CEP120: variants seen among roughly 807,000 people sequenced by gnomAD.
CEP120 encodes the protein centrosomal protein 120.
CEP120 carries 113 observed loss-of-function variants against 126.5 expected under a neutral mutation model. That is an observed-to-expected ratio of 0.89 (90% CI 0.77 to 1.04). CEP120 has a LOEUF of 1.04. Among genes scored for constraint, CEP120 ranks in the 50% least tolerant of loss-of-function variants. CEP120 has a pLI of 0.00. For missense variants in CEP120, 1,230 were observed against 1,155.7 expected, an observed-to-expected ratio of 1.06 and a Z score of -0.93; for synonymous variants, 400 against 394.3, an observed-to-expected ratio of 1.01 and a Z score of -0.17.
intron 18 of CEP120, among the ~76,000 whole-genome samples, chr5:123,359,305 A>G (rs1036578205): frequency 6.6e-6 from 1 of 152,070 alleles, no homozygotes; most frequent in East Asian, 1.9e-4. Flanking sequence ...CTCTGAATAT[A>G]TCTGACATAA....
chr5:123,381,221 A>C (rs9942363), intron 14 of CEP120, among the ~76,000 whole-genome samples: 67,278 of 151,898 alleles, frequency 0.44, 14,846 homozygotes, highest in East Asian at 0.48. Context: ...TGAGGCAACC[A>C]CTACAATATA....
At position 123,386,506 on chromosome 5, in the gene CEP120, T is replaced by C; in HGVS notation, c.1580+12A>G. Reference sequence around the variant, plus strand: ...AAATTAATTAATATCATACATACACTGTATGCATTACCTTAAGAAGGTGTC... The same window carrying C: ...AAATTAATTAATATCATACATACACCGTATGCATTACCTTAAGAAGGTGTC... On this transcript the variant is annotated intron_variant, in intron 10 of 19. Transcript: ENST00000306467. 1 of 1,521,422 alleles carries C rather than the reference T, an allele frequency of 6.6e-7. No homozygotes were observed. Among genetic ancestry groups the C allele is most frequent in the South Asian group, 1.3e-5 (1 of 74,986 alleles). 94.2% of individuals were successfully genotyped at this position (1,521,422 alleles called of 1,614,324 possible). A position where few individuals can be genotyped will look rare whatever the true frequency, so the allele number is the denominator to read the frequency against.
At chr5:123,402,403 G>A in intron 4 of CEP120, 2 of 1,286,700 alleles carry the variant, frequency 1.6e-6, no homozygotes, top group South Asian at 2.0e-5. Flanking sequence ...AAGGAGCGGA[G>A]AAGCTGCTTC....
chr5:123,362,960 G>T (rs1271714573), intron 18 of CEP120, among the ~76,000 whole-genome samples: 1 of 151,574 alleles, frequency 6.6e-6, no homozygotes, highest in East Asian at 1.9e-4. Flanking sequence ...AACTGGACCA[G>T]ACACTGAAGC....
At chr5:123,377,323 C>G (rs767554175) in intron 16 of CEP120, 51 bp downstream of exon 16, 2 of 1,549,164 alleles carry the variant, frequency 1.3e-6, no homozygotes, top group Non-Finnish European at 1.8e-6. Context: ...TCTCTTATTA[C>G]TAGAATGCAA....
At chr5:123,411,265 G>A (rs1774037707) in intron 4 of CEP120, among the ~76,000 whole-genome samples, 1 of 152,216 alleles carries the variant, frequency 6.6e-6, no homozygotes, top group Non-Finnish European at 1.5e-5. Flanking sequence ...TTGGAAGGCA[G>A]TGTGGATATT....
chr5:123,414,445 T>C (rs1580741179), intron 3 of CEP120, among the ~76,000 whole-genome samples: 1 of 152,212 alleles, frequency 6.6e-6, no homozygotes, highest in Non-Finnish European at 1.5e-5. Context: ...CATATGCAAA[T>C]ATCCTTGCTA....
chr5:123,396,787 G>C (rs2127084468), intron 5 of CEP120, among the ~76,000 whole-genome samples: 1 of 152,224 alleles, frequency 6.6e-6, no homozygotes, highest in South Asian at 2.1e-4. Context: ...GGGAACAAGA[G>C]AATATTAAAA....
chr5:123,388,302 AC>A, intron 9 of CEP120, 129 bp downstream of exon 9: 2 of 541,840 alleles, frequency 3.7e-6, no homozygotes, highest in Non-Finnish European at 6.2e-6. Flanking sequence ...ATATAGCCTT[AC>A]CCCCTTTTAG....
Position 123,354,775 on chromosome 5 carries a change from G to GT in CEP120, c.2581-4687dup, listed in dbSNP as rs35277610. ...TTCTGTTAGAATTCAACCATCCTATGTTTTTTTTTTAAATATATTTTTATT... is the reference window on the plus strand; with the variant it reads ...TTCTGTTAGAATTCAACCATCCTATGTTTTTTTTTTTAAATATATTTTTATT... On this transcript the variant is annotated intron_variant, in intron 18 of 19. Transcript: ENST00000306467. 7.5e-4 allele frequency among the ~76,000 whole-genome samples: 113 copies of GT among 150,626 alleles called. 2 individuals are homozygous for GT. Among genetic ancestry groups the GT allele is most frequent in the Admixed American group, 6.6e-3 (99 of 15,098 alleles).
At position 123,388,600 on chromosome 5, in the gene CEP120, G is replaced by T. The variant is rs1473821278; in HGVS notation, c.1262C>A (p.Ser421Tyr). Residue 421 changes from serine to tyrosine, a missense_variant, in exon 9 of 20, where the codon TCT (serine) becomes TAT (tyrosine). By Grantham distance (144) the Ser-to-Tyr change is moderately radical. Transcript: ENST00000306467. Reference protein sequence around the residue: ...KDTKPNPKASSSVPASLAQLV... With the variant: ...KDTKPNPKASYSVPASLAQLV... The stretch of plus-strand genomic sequence containing the variant: ...CTGGGCCAGTGAAGCAGGTACAGAA[G>T]AACTGGCTGAAATGAACATAAAATA... 1 of 1,569,344 alleles carries T rather than the reference G, an allele frequency of 6.4e-7. No homozygotes were observed. The highest frequency in any genetic ancestry group is 1.4e-5 in the African/African-American group (1 of 72,690).
Position 123,401,234 on chromosome 5 carries a change from C to T in CEP120, c.464-1950G>A, listed in dbSNP as rs545265204. 4.4e-4 allele frequency: 715 copies of T among 1,612,616 alleles called. 4 individuals are homozygous for T. In the African/African-American group the frequency reaches 8.9e-3, roughly 20 times the overall value. ...TCATCAGCTCCTGGTACTCACGCAG[C>T]TGCCACGCCATGTCCTGCTTGGCCC... On this transcript the variant is annotated intron_variant, in intron 4 of 19. Coordinates refer to ENST00000306467, the MANE Select transcript of CEP120 (RefSeq NM_001375405.1).
intron 7 of CEP120, among the ~76,000 whole-genome samples, chr5:123,390,709 G>A (rs1241513680): frequency 1.3e-5 from 2 of 152,192 alleles, no homozygotes; most frequent in African/African-American, 4.8e-5. Flanking sequence ...ACTAAAGAGA[G>A]TATGAGGACT....
chr5:123,409,413 C>A (rs538307233), intron 4 of CEP120, among the ~76,000 whole-genome samples: 22 of 150,998 alleles, frequency 1.5e-4, no homozygotes, highest in Admixed American at 1.3e-3. Context: ...ATACTTAGAG[C>A]CTTACTAATG....
intron 16 of CEP120, among the ~76,000 whole-genome samples, chr5:123,374,104 T>A (rs539570203): frequency 2.0e-5 from 3 of 152,226 alleles, no homozygotes; most frequent in African/African-American, 4.8e-5. Flanking sequence ...AATGTAGCAT[T>A]TCTTGTTTTT....
At position 123,388,563 on chromosome 5, in the gene CEP120, T is replaced by A. The variant is rs758040616; in HGVS notation, c.1299A>T (p.Thr433=). The A allele has an allele frequency of 6.2e-6, 10 of 1,605,984 alleles. No individual in the cohort carries two copies. The highest frequency in any genetic ancestry group is 8.5e-7 in the Non-Finnish European group (1 of 1,177,794). ...CTGAAGCTACTTCTGAAGCATTGGATGTAGTCACTAGCTGGGCCAGTGAAG... is the reference window on the plus strand; with the variant it reads ...CTGAAGCTACTTCTGAAGCATTGGAAGTAGTCACTAGCTGGGCCAGTGAAG... The part of the protein sequence containing the change: ...VPASLAQLVT[T]SNASEVASGQ... Residue 433 remains threonine (T), a synonymous_variant, in exon 9 of 20, where the codon ACA becomes ACT. Coordinates refer to ENST00000306467, the MANE Select transcript of CEP120 (RefSeq NM_001375405.1).
At position 123,391,228 on chromosome 5, in the gene CEP120, C is replaced by A. The variant is rs1772374018; in HGVS notation, c.920G>T (p.Gly307Val). 6.2e-7 allele frequency: 1 copy of A among 1,614,118 alleles called. No homozygotes were observed. The highest frequency in any genetic ancestry group is 8.5e-7 in the Non-Finnish European group (1 of 1,180,030). Reference protein sequence around the residue: ...EINQHPVTVEGAFTLDPPNRA... With the variant: ...EINQHPVTVEVAFTLDPPNRA... Reference sequence around the variant, plus strand: ...GTTTGGAGGGTCAAGGGTAAAAGCACCTTCGACTGTGACTGGGTGCTGGTT... The same window carrying A: ...GTTTGGAGGGTCAAGGGTAAAAGCAACTTCGACTGTGACTGGGTGCTGGTT... The change falls in exon 7 of 20, where the codon GGT becomes GTT. Residue 307 changes from glycine (G) to valine (V), a missense_variant. Gly to Val is a moderately radical substitution (Grantham distance 109). Transcript: ENST00000306467.
intron 14 of CEP120, among the ~76,000 whole-genome samples, chr5:123,379,848 G>A (rs1479880278): frequency 1.3e-5 from 2 of 152,100 alleles, no homozygotes; most frequent in Non-Finnish European, 2.9e-5. Context: ...AATACCCTTT[G>A]AGTCTACCTG....
chr5:123,394,955 T>C (rs1772671078), intron 5 of CEP120, among the ~76,000 whole-genome samples: 2 of 152,222 alleles, frequency 1.3e-5, no homozygotes, highest in South Asian at 4.1e-4. Context: ...AAGAGATACA[T>C]AGTCGCTGCT....
Sources: gnomAD v4.1 joint callset for allele counts (sites outside exome capture counted in the v4.1 genomes callset) on GRCh38, gnomAD v4.1.1 for gene constraint, MANE v1.5 for transcripts, NCBI Gene and HGNC (gene_info 2026-07-23, HGNC 2026-07-21) for gene names.